XRCC3: variants seen among roughly 807,000 people sequenced by gnomAD.
XRCC3 encodes the protein DNA repair protein XRCC3.
Under a neutral mutation model 29.2 loss-of-function variants are expected in XRCC3, and 34 were observed. The observed-to-expected ratio is 1.16, with a 90% CI of 0.88 to 1.55. The LOEUF is 1.55. XRCC3 is among the 40% of genes most tolerant of loss of function. XRCC3 has a pLI of 0.00. For missense variants in XRCC3, 463 were observed against 467.6 expected (o/e 0.99, Z 0.09); for synonymous variants, 223 against 211.3 (o/e 1.06, Z -0.48).
At chr14:103,701,541 C>T in intron 7 of XRCC3, 1 of 311,624 alleles carries the variant, frequency 3.2e-6, no homozygotes. Flanking sequence ...GTTTATATGC[C>T]TTATGCTTTA....
At chr14:103,709,676 C>T (rs952421205) in intron 4 of XRCC3, 1 of 152,266 alleles carries the variant, frequency 6.6e-6, no homozygotes, top group African/African-American at 2.4e-5. Context: ...GCCCTGAGGA[C>T]TCACCGGGAT....
chr14:103,704,551 G>A (rs956913429), intron 6 of XRCC3: 3 of 152,138 alleles, frequency 2.0e-5, no homozygotes, highest in African/African-American at 7.2e-5. Flanking sequence ...GGATTACAAG[G>A]CGTGCGCTAC....
chr14:103,712,328 A>C (rs1251109754), intron 2 of XRCC3: 1 of 155,000 alleles, frequency 6.5e-6, no homozygotes, highest in African/African-American at 2.4e-5. Context: ...GCCACCCTGG[A>C]GGGCCGGGCG....
chr14:103,714,482 AAG>A lies in XRCC3; in HGVS notation c.-318+940_-318+941del, dbSNP rs1320031893. On this transcript the variant is annotated intron_variant, in intron 1 of 9. Transcript: ENST00000555055. Reference sequence around the variant, plus strand: ...CTCTCTACCGAAAAAAAAAAAAAAAAAGAAAAATAGCTGGCCAGTGTAGTGGC... The same window carrying A: ...CTCTCTACCGAAAAAAAAAAAAAAAAAAAAATAGCTGGCCAGTGTAGTGGC... Among the ~76,000 whole-genome samples, 165 of 152,018 alleles carry A rather than the reference AAG, an allele frequency of 1.1e-3. 1 individual carries two copies. Among genetic ancestry groups the A allele is most frequent in the African/African-American group, 3.7e-3 (154 of 41,440 alleles).
At chr14:103,703,453 G>C in intron 6 of XRCC3, 126 bp from the exon 7 acceptor site, 5 of 1,151,010 alleles carry the variant, frequency 4.3e-6, no homozygotes, top group Non-Finnish European at 6.3e-6. Context: ...TTTGCCCCTC[G>C]CCTGGGGAGG....
intron 6 of XRCC3, 71 bp downstream of exon 6, chr14:103,706,932 A>G (rs903177069): frequency 2.0e-6 from 3 of 1,504,108 alleles, no homozygotes; most frequent in Admixed American, 3.9e-5. Flanking sequence ...CCCCACCTCA[A>G]CGGAAAGCTG....
rs978700071 is a variant in XRCC3 at position 103,711,205 on chromosome 14, G to A, written c.-118C>T. 8.9e-7 allele frequency: 1 copy of A among 1,119,758 alleles called. No individual in the cohort carries two copies. Among genetic ancestry groups the A allele is most frequent in the Non-Finnish European group, 1.3e-6 (1 of 746,452 alleles). 69.4% of individuals were successfully genotyped at this position (1,119,758 alleles called of 1,614,324 possible). A position where few individuals can be genotyped will look rare whatever the true frequency, so the allele number is the denominator to read the frequency against. ...CCTGTGGGAGGCCCGAACCAGGGAA[G>A]TGACAGCAGCCGAGGTGTCCGTGTC... On this transcript the variant is annotated 5_prime_UTR_variant, in exon 4 of 10. Coordinates refer to ENST00000555055, the MANE Select transcript of XRCC3 (RefSeq NM_005432.4).
chr14:103,703,123 G>A (rs779008247), intron 7 of XRCC3, 50 bp downstream of exon 7: 14 of 1,546,462 alleles, frequency 9.1e-6, no homozygotes, highest in Non-Finnish European at 1.2e-5. Flanking sequence ...TGCCCCAATG[G>A]TCCTGAATAG....
chr14:103,705,876 C>T (rs555748148), intron 6 of XRCC3: 10 of 171,786 alleles, frequency 5.8e-5, no homozygotes, highest in South Asian at 1.3e-4. Flanking sequence ...TTCCTGAGCA[C>T]GCTCGAGTCC....
intron 7 of XRCC3, 70 bp from the exon 8 acceptor site, chr14:103,699,646 G>T: frequency 2.6e-6 from 4 of 1,519,656 alleles, no homozygotes; most frequent in Non-Finnish European, 3.6e-6. Flanking sequence ...ACCCCGTTTG[G>T]ACTGTCACTC....
chr14:103,710,882 A>ACC (rs1555429232), intron 4 of XRCC3, 151 bp downstream of exon 4: 17 of 691,284 alleles, frequency 2.5e-5, no homozygotes, highest in East Asian at 2.5e-4. Context: ...ACACACACAC[A>ACC]CCTGAAAATC....
rs1410009408 is a variant in XRCC3 at position 103,711,057 on chromosome 14, T to C, written c.31A>G (p.Arg11Gly). Residue 11 changes from arginine (R) to glycine (G), a missense_variant, in exon 4 of 10, where the codon AGA becomes GGA. Physicochemically the swap from Arg to Gly is moderately radical, Grantham distance 125. Coordinates refer to ENST00000555055, the MANE Select transcript of XRCC3 (RefSeq NM_005432.4). ...CCTTTCTTAATTGCAGCAATAATTC[T>C]GGGATTCAGGTCCAGTAGATCCAAA... MDLDLLDLNP[R>G]IIAAIKKAKL... The C allele has an allele frequency of 6.2e-7, 1 of 1,614,110 alleles. No homozygotes were observed. Among genetic ancestry groups the C allele is most frequent in the Non-Finnish European group, 8.5e-7 (1 of 1,180,046 alleles).
At chr14:103,701,304 G>A in intron 7 of XRCC3, 1 of 1,246,016 alleles carries the variant, frequency 8.0e-7, no homozygotes, top group South Asian at 1.3e-5. Flanking sequence ...GGGAGCCGCA[G>A]CGCTCACTCA....
At chr14:103,706,316 G>T (rs1446400621) in intron 6 of XRCC3, 1 of 456,066 alleles carries the variant, frequency 2.2e-6, no homozygotes, top group Non-Finnish European at 4.4e-6. Flanking sequence ...CCGGCCCTGT[G>T]TGGGAAGTGA....
In XRCC3 at chr14:103,698,993, TG is replaced by T; in HGVS notation, c.845del (p.Pro282GlnfsTer5). 1 of 1,595,292 alleles carries T rather than the reference TG, an allele frequency of 6.3e-7. No individual in the cohort carries two copies. Among genetic ancestry groups the T allele is most frequent in the East Asian group, 2.3e-5 (1 of 43,684 alleles). On this transcript the variant is annotated frameshift_variant, in exon 10 of 10. Transcript: ENST00000555055. LOFTEE classifies it low-confidence loss of function (END_TRUNC). ...PLGFWDERVS[P>X]ALGITWANQL... Reference sequence around the variant, plus strand: ...GGTTAGCCCAGGTTATGCCAAGGGCTGGGGAAACACGTTCGTCCCAGAACCT... The same window carrying T: ...GGTTAGCCCAGGTTATGCCAAGGGCTGGGAAACACGTTCGTCCCAGAACCT...
At chr14:103,711,922 G>A (rs557300394) in intron 2 of XRCC3, 4 of 353,030 alleles carry the variant, frequency 1.1e-5, no homozygotes, top group Admixed American at 7.5e-5. Context: ...CAGCAGCCTC[G>A]AGGGCCGGGT....
intron 6 of XRCC3, chr14:103,706,740 C>A: frequency 1.8e-6 from 1 of 541,028 alleles, no homozygotes; most frequent in South Asian, 2.0e-5. Context: ...AGCCAGCGAC[C>A]CCTGGGGGCC....
At chr14:103,710,961 G>C in intron 4 of XRCC3, 72 bp downstream of exon 4, 5 of 1,523,912 alleles carry the variant, frequency 3.3e-6, no homozygotes, top group South Asian at 1.1e-5. Flanking sequence ...GCCAGCCAGC[G>C]TTTTGTTAAC....
intron 7 of XRCC3, chr14:103,702,929 G>C (rs2083282849): frequency 3.4e-6 from 2 of 582,616 alleles, no homozygotes; most frequent in South Asian, 4.0e-5. Context: ...CACACCTTCA[G>C]CAAGGGTCCT....
Sources: allele counts gnomAD v4.1 joint callset (sites outside exome capture counted in the v4.1 genomes callset), GRCh38; gene constraint gnomAD v4.1.1; transcripts MANE v1.5; gene names NCBI Gene and HGNC (gene_info 2026-07-23, HGNC 2026-07-21).